GPM6A: variants seen among roughly 807,000 people sequenced by gnomAD.
GPM6A encodes glycoprotein M6A.
GPM6A carries 7 observed loss-of-function variants against 32.1 expected under a neutral mutation model. The observed-to-expected ratio is 0.22, with a 90% CI of 0.12 to 0.41. The LOEUF (loss-of-function observed/expected upper bound fraction) is 0.41. Among genes scored for constraint, GPM6A ranks in the 10% least tolerant of loss-of-function variants. The pLI is 1.00. For missense variants in GPM6A, 235 were observed against 347.2 expected (o/e 0.68, Z 2.57); for synonymous variants, 130 against 123.4 (o/e 1.05, Z -0.35).
intron 3 of GPM6A, among the ~76,000 whole-genome samples, chr4:175,672,449 T>G (rs1488315747): frequency 6.6e-6 from 1 of 152,204 alleles, no homozygotes; most frequent in African/African-American, 2.4e-5. Context: ...TTCACTATAC[T>G]CTATTGACAG....
chr4:175,724,175 G>A (rs1320273561), intron 1 of GPM6A, among the ~76,000 whole-genome samples: 2 of 152,182 alleles, frequency 1.3e-5, no homozygotes, highest in Non-Finnish European at 2.9e-5. Flanking sequence ...GAACCTCAAG[G>A]CCACTATGTT....
At chr4:175,931,709 C>CACACATATAT (rs1324269132) in intron 1 of GPM6A, among the ~76,000 whole-genome samples, 128 of 129,308 alleles carry the variant, frequency 9.9e-4, no homozygotes, top group African/African-American at 3.6e-3. Flanking sequence ...CACACACACA[C>CACACATATAT]ATATATATAT....
intron 1 of GPM6A, among the ~76,000 whole-genome samples, chr4:175,942,582 G>A (rs954488490): frequency 2.1e-4 from 32 of 152,124 alleles, no homozygotes; most frequent in African/African-American, 6.5e-4. Flanking sequence ...TCCAGTTTCA[G>A]TTTTCTGCGT....
intron 4 of GPM6A, 135 bp from the exon 5 acceptor site, chr4:175,640,964 CT>C (rs1366302362): frequency 2.9e-5 from 18 of 627,306 alleles, no homozygotes; most frequent in Non-Finnish European, 5.7e-6. Flanking sequence ...GAAAAATAAT[CT>C]AGCTTTCATT....
intron 2 of GPM6A, among the ~76,000 whole-genome samples, chr4:175,686,151 A>G (rs1743969527): frequency 6.6e-6 from 1 of 152,200 alleles, no homozygotes; most frequent in Admixed American, 6.5e-5. Context: ...TTCAATTCTT[A>G]CAAAAAGTTG....
chr4:175,749,096 A>G (rs1441223430), intron 1 of GPM6A, among the ~76,000 whole-genome samples: 2 of 152,170 alleles, frequency 1.3e-5, no homozygotes, highest in Non-Finnish European at 2.9e-5. Context: ...TGAAGCAGTG[A>G]GAACACATAC....
chr4:175,895,356 C>T (rs1737764578), intron 1 of GPM6A, among the ~76,000 whole-genome samples: 1 of 151,982 alleles, frequency 6.6e-6, no homozygotes, highest in South Asian at 2.1e-4. Context: ...AGGTTAATTT[C>T]AATTAAAGTA....
intron 1 of GPM6A, among the ~76,000 whole-genome samples, chr4:175,949,007 G>T (rs896336654): frequency 6.7e-6 from 1 of 150,320 alleles, no homozygotes. Context: ...GGGGGATGTG[G>T]TGGAGGGATG....
intron 1 of GPM6A, among the ~76,000 whole-genome samples, chr4:175,918,407 G>A (rs994827591): frequency 6.6e-5 from 10 of 152,134 alleles, no homozygotes; most frequent in African/African-American, 1.2e-4. Flanking sequence ...AAATCTTTAA[G>A]TAGGGAAAAG....
chr4:175,913,936 T>A (rs1738403045), intron 1 of GPM6A, among the ~76,000 whole-genome samples: 1 of 152,158 alleles, frequency 6.6e-6, no homozygotes, highest in Non-Finnish European at 1.5e-5. Context: ...ATTGACATCA[T>A]CAATTCCACG....
At chr4:175,722,924 C>T (rs1240085172) in intron 1 of GPM6A, among the ~76,000 whole-genome samples, 1 of 151,722 alleles carries the variant, frequency 6.6e-6, no homozygotes, top group Non-Finnish European at 1.5e-5. Context: ...TGGTACACAC[C>T]TGTAATCCCA....
At chr4:175,642,913 C>A (rs1231146750) in intron 4 of GPM6A, among the ~76,000 whole-genome samples, 1 of 150,876 alleles carries the variant, frequency 6.6e-6, no homozygotes, top group East Asian at 1.9e-4. Flanking sequence ...TGCTCTTCTC[C>A]TTTGCTGGCT....
intron 2 of GPM6A, among the ~76,000 whole-genome samples, chr4:175,698,602 C>T (rs1035335022): frequency 1.3e-5 from 2 of 152,134 alleles, no homozygotes; most frequent in Non-Finnish European, 2.9e-5. Flanking sequence ...AAGAGGTTTA[C>T]AGTACATATT....
At chr4:175,727,994 A>G (rs1335955054) in intron 1 of GPM6A, among the ~76,000 whole-genome samples, 1 of 121,604 alleles carries the variant, frequency 8.2e-6, no homozygotes, top group Non-Finnish European at 1.7e-5. Flanking sequence ...ACAGAGCGAG[A>G]CTCCGTTTCA....
At chr4:175,936,727 T>G (rs1003389158) in intron 1 of GPM6A, among the ~76,000 whole-genome samples, 15 of 152,204 alleles carry the variant, frequency 9.9e-5, no homozygotes, top group African/African-American at 3.4e-4. Context: ...GTAAAGCATC[T>G]GTAGAGTAAA....
At chr4:175,743,928 T>C (rs949245135) in intron 1 of GPM6A, among the ~76,000 whole-genome samples, 4 of 150,494 alleles carry the variant, frequency 2.7e-5, no homozygotes, top group Non-Finnish European at 5.9e-5. Context: ...AGTTGAAGAG[T>C]TTAGCAGTTG....
At chr4:175,702,736 C>T (rs555285303) in intron 1 of GPM6A, among the ~76,000 whole-genome samples, 10 of 152,188 alleles carry the variant, frequency 6.6e-5, no homozygotes, top group East Asian at 1.9e-4. Context: ...AGGCTGGTCT[C>T]GAACTCTTGA....
intron 1 of GPM6A, among the ~76,000 whole-genome samples, chr4:175,918,266 T>C (rs2111521129): frequency 6.6e-6 from 1 of 152,234 alleles, no homozygotes; most frequent in South Asian, 2.1e-4. Context: ...TACAAAAATA[T>C]ATGCTAGGAA....
intron 1 of GPM6A, among the ~76,000 whole-genome samples, chr4:175,961,664 A>G (rs1031858841): frequency 2.6e-5 from 4 of 152,188 alleles, no homozygotes; most frequent in African/African-American, 9.6e-5. Context: ...CACAGAGAAG[A>G]TCAGAGAAAA....
Sources: allele counts gnomAD v4.1 joint callset (sites outside exome capture counted in the v4.1 genomes callset), GRCh38; gene constraint gnomAD v4.1.1; transcripts MANE v1.5; gene names NCBI Gene and HGNC (gene_info 2026-07-23, HGNC 2026-07-21).